Variants in PLAC9 observed in about 807,000 individuals in gnomAD.
PLAC9 encodes the protein placenta associated 9.
A neutral mutation model predicts 11.5 loss-of-function variants in PLAC9; 12 were observed. That is an observed-to-expected ratio of 1.05 (90% CI 0.67 to 1.69). The LOEUF (loss-of-function observed/expected upper bound fraction) is 1.69. Among genes scored for constraint, PLAC9 ranks in the 40% most tolerant of loss-of-function variants. PLAC9 has a pLI of 0.00. For synonymous variants in PLAC9, 62 were observed against 58.1 expected, an observed-to-expected ratio of 1.07 and a Z score of -0.31; for missense variants, 132 against 130.5, an observed-to-expected ratio of 1.01 and a Z score of -0.06.
intron 2 of PLAC9, 147 bp from the exon 3 acceptor site, chr10:80,144,076 C>G: frequency 9.3e-7 from 1 of 1,075,412 alleles, no homozygotes; most frequent in Non-Finnish European, 1.4e-6. Flanking sequence ...AGGGGCAGAG[C>G]CTGAGTGAGG....
At chr10:80,133,599 T>C (rs1271246810) in intron 1 of PLAC9, among the ~76,000 whole-genome samples, 1 of 152,002 alleles carries the variant, frequency 6.6e-6, no homozygotes, top group Non-Finnish European at 1.5e-5. Context: ...TGGGTGGAGA[T>C]GGGGGACTGG....
At position 80,145,007 on chromosome 10, in the gene PLAC9, T is replaced by C. The variant is rs112574718; in HGVS notation, c.*97T>C. Reference sequence around the variant, plus strand: ...CTCTCGACTTCCTTCCTTAGCTTCATGTGAAATAAAAGCTATTCTGGTCTC... The same window carrying C: ...CTCTCGACTTCCTTCCTTAGCTTCACGTGAAATAAAAGCTATTCTGGTCTC... On this transcript the variant is annotated 3_prime_UTR_variant, in exon 4 of 4. Coordinates refer to ENST00000372263, the MANE Select transcript of PLAC9 (RefSeq NM_001012973.3). 4.6e-5 allele frequency: 67 copies of C among 1,447,774 alleles called. No individual in the cohort carries two copies. Among genetic ancestry groups the C allele is most frequent in the African/African-American group, 5.6e-5 (4 of 71,172 alleles). 89.7% of individuals were successfully genotyped at this position (1,447,774 alleles called of 1,614,324 possible).
chr10:80,144,857 C>A, intron 3 of PLAC9, 43 bp from the exon 4 acceptor site: 1 of 1,547,714 alleles, frequency 6.5e-7, no homozygotes, highest in Non-Finnish European at 8.7e-7. Flanking sequence ...AGGTACTCTG[C>A]GGCACCCCAG....
At position 80,134,265 on chromosome 10, in the gene PLAC9, CTT is replaced by C. The variant is rs559784722; in HGVS notation, c.64+1454_64+1455del. Among the ~76,000 whole-genome samples the C allele has an allele frequency of 9.7e-3, 1,305 of 134,544 alleles. 16 individuals carry two copies. Among genetic ancestry groups the C allele is most frequent in the African/African-American group, 0.032 (1,174 of 36,432 alleles). The allele number at this position is 134,544 out of a possible 152,430, so 88.3% of individuals were successfully genotyped here. ...GTATATTTTCTTTCTTTCTTTCTTT[CTT>C]TTTTTTTTTTTTTTGAGACAGGATT... On this transcript the variant is annotated intron_variant, in intron 1 of 3. Coordinates refer to ENST00000372263, the MANE Select transcript of PLAC9 (RefSeq NM_001012973.3).
intron 1 of PLAC9, among the ~76,000 whole-genome samples, chr10:80,135,923 G>A (rs575453861): frequency 6.6e-6 from 1 of 152,304 alleles, no homozygotes; most frequent in South Asian, 2.1e-4. Context: ...AAAGCAGAGT[G>A]TGACTTTGAC....
rs753268369 is a variant in PLAC9 at position 80,142,109 on chromosome 10, G to T, written c.92G>T (p.Gly31Val). The T allele has an allele frequency of 1.7e-5, 27 of 1,610,872 alleles. No individual in the cohort carries two copies. The South Asian group carries it at 3.0e-4, about 18-fold the overall frequency. The change falls in exon 2 of 4, where the codon GGA becomes GTA. Residue 31 changes from glycine to valine, a missense_variant. Physicochemically the swap from Gly to Val is moderately radical, Grantham distance 109. Coordinates refer to ENST00000372263, the MANE Select transcript of PLAC9 (RefSeq NM_001012973.3). The part of the protein sequence containing the change: ...AAAEPFSPPR[G>V]DSAQSTACDR... ...GCCGAACCCTTCAGCCCTCCGCGAG[G>T]AGACTCAGCTCAGAGCACAGCGTGT...
chr10:80,144,821 A>G, intron 3 of PLAC9, 79 bp from the exon 4 acceptor site: 1 of 1,414,742 alleles, frequency 7.1e-7, no homozygotes, highest in Admixed American at 2.6e-5. Context: ...GAGGGAAGGG[A>G]AGGAACTGCT....
chr10:80,144,218 T>A lies in PLAC9; in HGVS notation c.163-5T>A. 1 of 1,613,962 alleles carries A rather than the reference T, an allele frequency of 6.2e-7. No homozygotes were observed. The highest frequency in any genetic ancestry group is 1.1e-5 in the South Asian group (1 of 91,080). The stretch of plus-strand genomic sequence containing the variant: ...TCCTCGACTTTACCCCACTTCCCAC[T>A]CTAGATGGTAGAGAAGACCGTGGAT... On this transcript the variant is annotated splice_polypyrimidine_tract_variant and splice_region_variant and intron_variant, in intron 2 of 3. Transcript: ENST00000372263.
intron 2 of PLAC9, among the ~76,000 whole-genome samples, chr10:80,143,812 A>G (rs1404413833): frequency 1.3e-5 from 2 of 152,196 alleles, no homozygotes; most frequent in Non-Finnish European, 2.9e-5. Context: ...CACACTGCCA[A>G]TGGGGTCCAT....
intron 1 of PLAC9, among the ~76,000 whole-genome samples, chr10:80,137,529 C>T (rs1330588453): frequency 3.3e-5 from 5 of 152,202 alleles, no homozygotes; most frequent in Non-Finnish European, 5.9e-5. Flanking sequence ...TCCCCTAGGA[C>T]GGCCACTCTG....
Position 80,144,939 on chromosome 10 carries a change from G to A in PLAC9, c.*29G>A, listed in dbSNP as rs1206794840. The A allele has an allele frequency of 2.2e-5, 35 of 1,568,870 alleles. 1 individual carries two copies. Among genetic ancestry groups the A allele is most frequent in the African/African-American group, 4.0e-5 (3 of 74,226 alleles). On this transcript the variant is annotated 3_prime_UTR_variant, in exon 4 of 4. Coordinates refer to ENST00000372263, the MANE Select transcript of PLAC9 (RefSeq NM_001012973.3). ...CTGGAGCTGGAGCCCAGCAGTTGGA[G>A]GTGGTGCACCTGCCAGGCAGCGCCC...
chr10:80,144,945 GC>G lies in PLAC9; in HGVS notation c.*36del. 1 of 1,566,558 alleles carries G rather than the reference GC, an allele frequency of 6.4e-7. No individual in the cohort carries two copies. The highest frequency in any genetic ancestry group is 8.7e-7 in the Non-Finnish European group (1 of 1,154,464). On this transcript the variant is annotated 3_prime_UTR_variant, in exon 4 of 4. Coordinates refer to ENST00000372263, the MANE Select transcript of PLAC9 (RefSeq NM_001012973.3). ...CTGGAGCCCAGCAGTTGGAGGTGGTGCACCTGCCAGGCAGCGCCCACAGAAC... is the reference window on the plus strand; with the variant it reads ...CTGGAGCCCAGCAGTTGGAGGTGGTGACCTGCCAGGCAGCGCCCACAGAAC...
chr10:80,132,880 T>A, intron 1 of PLAC9, 54 bp downstream of exon 1: 2 of 1,405,386 alleles, frequency 1.4e-6, no homozygotes, highest in South Asian at 2.8e-5. Flanking sequence ...GACCCGCAGA[T>A]GGCGAGGAAG....
rs143235812 is a variant in PLAC9 at position 80,142,167 on chromosome 10, T to C, written c.150T>C (p.Asp50=). ...DRHMAVQRRL[D]VMEEMVEKTV... is the part of the protein sequence containing the mutation. ...ACATGGCTGTGCAACGCCGTCTAGA[T>C]GTCATGGAGGAGGTAACAGGGTGGT... The change falls in exon 2 of 4, where the codon GAT becomes GAC. Residue 50 remains aspartate (D), a synonymous_variant. Coordinates refer to ENST00000372263, the MANE Select transcript of PLAC9 (RefSeq NM_001012973.3). The C allele has an allele frequency of 2.5e-6, 4 of 1,605,932 alleles. No homozygotes were observed. Among genetic ancestry groups the C allele is most frequent in the Non-Finnish European group, 3.4e-6 (4 of 1,173,856 alleles).
At chr10:80,132,402 G>T (rs1173219613), upstream of PLAC9, among the ~76,000 whole-genome samples, 1 of 152,176 alleles carries the variant, frequency 6.6e-6, no homozygotes, top group Non-Finnish European at 1.5e-5. Context: ...TGTGAAACTG[G>T]CTCGTAACAA....
chr10:80,142,099 C>T lies in PLAC9; in HGVS notation c.82C>T (p.Pro28Ser), dbSNP rs554498250. 1 of 1,610,488 alleles carries T rather than the reference C, an allele frequency of 6.2e-7. No homozygotes were observed. Among genetic ancestry groups the T allele is most frequent in the East Asian group, 2.2e-5 (1 of 44,718 alleles). ...GSLAAAEPFSPPRGDSAQSTA... is the reference protein window; with the variant it reads ...GSLAAAEPFSSPRGDSAQSTA... ...TCCCACAGCTGCCGAACCCTTCAGC[C>T]CTCCGCGAGGAGACTCAGCTCAGAG... Residue 28 changes from proline to serine, a missense_variant, in exon 2 of 4, where the codon CCT becomes TCT. By Grantham distance (74) the Pro-to-Ser change is moderately conservative (BLOSUM62 -1). Transcript: ENST00000372263.
chr10:80,144,491 C>A (rs1845078219), intron 3 of PLAC9, 148 bp downstream of exon 3: 1 of 1,199,794 alleles, frequency 8.3e-7, no homozygotes, highest in East Asian at 2.6e-5. Context: ...AGCGGGACGG[C>A]ATCATCCCTG....
In PLAC9 at chr10:80,145,076, T is replaced by C. The variant is rs1845088034; in HGVS notation, c.*166T>C. On this transcript the variant is annotated 3_prime_UTR_variant, in exon 4 of 4. Coordinates refer to ENST00000372263, the MANE Select transcript of PLAC9 (RefSeq NM_001012973.3). ...AGTAACCCGTTTAACTACAGCCTCC[T>C]CTCACTCCACTTCCATGCCTGGAGG... 3.4e-6 allele frequency: 3 copies of C among 893,928 alleles called. No individual in the cohort carries two copies. The highest frequency in any genetic ancestry group is 5.4e-6 in the Non-Finnish European group (3 of 557,972). The allele number at this position is 893,928 out of a possible 1,614,324, so 55.4% of individuals were successfully genotyped here.
chr10:80,140,659 C>G (rs976676126), intron 1 of PLAC9, among the ~76,000 whole-genome samples: 19 of 152,286 alleles, frequency 1.2e-4, no homozygotes, highest in Admixed American at 6.5e-4. Flanking sequence ...GACTTCTGCT[C>G]TGAGGGTTGA....
Sources: gnomAD v4.1 joint callset for allele counts (sites outside exome capture counted in the v4.1 genomes callset) on GRCh38, gnomAD v4.1.1 for gene constraint, MANE v1.5 for transcripts, NCBI Gene and HGNC (gene_info 2026-07-23, HGNC 2026-07-21) for gene names.